Variants in ZNF800 observed in about 807,000 individuals in gnomAD.
The protein encoded by ZNF800 is zinc finger protein 800.
Under a neutral mutation model 59.5 loss-of-function variants are expected in ZNF800, and 13 were observed. That is an observed-to-expected ratio of 0.22 (90% CI 0.14 to 0.35). The LOEUF is 0.35. Ranked by LOEUF, ZNF800 falls within the 10% of genes least tolerant of loss-of-function variation. The probability of loss-of-function intolerance (pLI) is 1.00; values close to 1 mark genes in which losing one functional copy is unlikely to be tolerated. For synonymous variants in ZNF800, 266 were observed against 265.7 expected, an observed-to-expected ratio of 1.00 and a Z score of -0.01; for missense variants, 621 against 783.7, an observed-to-expected ratio of 0.79 and a Z score of 2.48.
downstream of ZNF800, among the ~76,000 whole-genome samples, chr7:127,367,690 T>C (rs1407027650): frequency 6.6e-6 from 1 of 152,178 alleles, no homozygotes; most frequent in Admixed American, 6.6e-5. Flanking sequence ...ATGTTAAGAC[T>C]TGAAGTCTCA....
At chr7:127,387,451 T>C (rs1164620295) in intron 2 of ZNF800, among the ~76,000 whole-genome samples, 1 of 152,206 alleles carries the variant, frequency 6.6e-6, no homozygotes, top group Non-Finnish European at 1.5e-5. Flanking sequence ...GTGCTATGTA[T>C]ATAGATACAG....
At position 127,353,995 on chromosome 7, in the gene ZNF800, T is replaced by C. The variant is rs560886437; in HGVS notation, n.225-5952A>G. Among the ~76,000 whole-genome samples, 19 of 152,210 alleles carry C rather than the reference T, an allele frequency of 1.2e-4. No individual in the cohort carries two copies. The South Asian group carries it at 3.7e-3, about 30-fold the overall frequency. The stretch of plus-strand genomic sequence containing the variant: ...GTGATATGCATTTGAGGTTGGAGAT[T>C]TTAAAATTTAGAAAATGAAACAAAC... On this transcript the variant is annotated intron_variant and non_coding_transcript_variant, in intron 1 of 1. Transcript: ENST00000485577.
chr7:127,343,514 G>C (rs932444177), downstream of ZNF800, among the ~76,000 whole-genome samples: 1 of 151,852 alleles, frequency 6.6e-6, no homozygotes, highest in Admixed American at 6.6e-5. Flanking sequence ...ATAGAAAAAG[G>C]TTTTTTAAGT....
chr7:127,345,315 T>C (rs1179571805), downstream of ZNF800, among the ~76,000 whole-genome samples: 1 of 146,504 alleles, frequency 6.8e-6, no homozygotes, highest in African/African-American at 2.5e-5. Context: ...CAAAGGTAAA[T>C]AAAAAAATAA....
At chr7:127,351,348 CTGAAA>C (rs1055031724) in intron 1 of ZNF800, 40 of 152,250 alleles carry the variant, frequency 2.6e-4, no homozygotes, top group African/African-American at 9.4e-4. Context: ...CTACTGCAGC[CTGAAA>C]TGATCTCTCT....
intron 1 of ZNF800, among the ~76,000 whole-genome samples, 200 bp from the exon 2 acceptor site, chr7:127,391,815 ACGCAGCCTCGGGTG>A (rs1801329319): frequency 1.3e-5 from 2 of 152,046 alleles, no homozygotes; most frequent in African/African-American, 4.8e-5. Context: ...CTACCCGGAA[ACGCAGCCTCGGGTG>A]CGCAGCGCAG....
chr7:127,385,772 A>G (rs1347711395), intron 3 of ZNF800, among the ~76,000 whole-genome samples: 2 of 152,128 alleles, frequency 1.3e-5, no homozygotes, highest in African/African-American at 4.8e-5. Context: ...ATATCAATGG[A>G]TCTTTAAGAA....
Position 127,373,562 on chromosome 7 carries a change from T to G in ZNF800, c.1774A>C (p.Thr592Pro). Residue 592 changes from threonine (T) to proline (P), a missense_variant, in exon 5 of 6, where the codon ACT becomes CCT. Transcript: ENST00000265827. ...AKHSDSKHDG[T>P]SNSPSKKYEV... ...TACTTTTTACTAGGAGAGTTAGAAG[T>G]GCCATCATGTTTTGAATCACTATGT... The G allele has an allele frequency of 6.2e-7, 1 of 1,614,202 alleles. No homozygotes were observed. Among genetic ancestry groups the G allele is most frequent in the Non-Finnish European group, 8.5e-7 (1 of 1,180,038 alleles).
downstream of ZNF800, among the ~76,000 whole-genome samples, chr7:127,369,101 C>T (rs1800574443): frequency 6.6e-6 from 1 of 151,652 alleles, no homozygotes; most frequent in African/African-American, 2.4e-5. Flanking sequence ...TGCCCAATGT[C>T]AGCTATACTT....
intron 3 of ZNF800, among the ~76,000 whole-genome samples, chr7:127,378,426 T>A (rs1051224082): frequency 1.8e-4 from 28 of 152,088 alleles, no homozygotes; most frequent in Admixed American, 1.7e-3. Flanking sequence ...AAAACTTTTT[T>A]AAAATGACAA....
chr7:127,352,361 T>G (rs1402389160), intron 1 of ZNF800, among the ~76,000 whole-genome samples: 3 of 151,878 alleles, frequency 2.0e-5, no homozygotes, highest in South Asian at 2.1e-4. Flanking sequence ...AAAAAAAGTA[T>G]CAAAAGAGAA....
chr7:127,390,220 G>A (rs963818295), intron 2 of ZNF800, among the ~76,000 whole-genome samples: 1 of 151,888 alleles, frequency 6.6e-6, no homozygotes, highest in Non-Finnish European at 1.5e-5. Flanking sequence ...GAGTTTAAAT[G>A]GCACTCACAT....
intron 4 of ZNF800, among the ~76,000 whole-genome samples, chr7:127,376,297 T>C (rs1238138266): frequency 6.6e-6 from 1 of 151,892 alleles, no homozygotes; most frequent in South Asian, 2.1e-4. Flanking sequence ...AGTTGAAAAA[T>C]GCACAGAATC....
intron 1 of ZNF800, among the ~76,000 whole-genome samples, chr7:127,355,250 A>C (rs10235028): frequency 1.3e-5 from 2 of 151,702 alleles, no homozygotes; most frequent in Non-Finnish European, 2.9e-5. Flanking sequence ...AGCTTAGACC[A>C]GGAAAAATAG....
At chr7:127,366,634 TC>T (rs1345799871), downstream of ZNF800, among the ~76,000 whole-genome samples, 6 of 152,298 alleles carry the variant, frequency 3.9e-5, no homozygotes, top group East Asian at 9.7e-4. Context: ...TTTCATTCTG[TC>T]ACCTTTCAAA....
At chr7:127,361,631 A>G (rs545151984) in intron 1 of ZNF800, 1 of 152,264 alleles carries the variant, frequency 6.6e-6, no homozygotes, top group South Asian at 2.1e-4. Flanking sequence ...AAAATTCTTA[A>G]GAGTAATCAA....
chr7:127,374,573 T>C lies in ZNF800; in HGVS notation c.763A>G (p.Lys255Glu). ...VRRHIRKVHK[K>E]KMEELKKYIE... ...TACTTTTTTAGTTCTTCCATCTTTT[T>C]CTTGTGTACTTTTCGAATGTGACGG... Residue 255 changes from lysine to glutamate, a missense_variant, in exon 5 of 6, where the codon AAA (lysine) becomes GAA (glutamate). Physicochemically the swap from Lys to Glu is moderately conservative, Grantham distance 56. Transcript: ENST00000265827. 6.2e-7 allele frequency: 1 copy of C among 1,614,128 alleles called. No homozygotes were observed. The highest frequency in any genetic ancestry group is 1.1e-5 in the South Asian group (1 of 91,086).
In ZNF800 at chr7:127,374,617, T is replaced by C; in HGVS notation, c.719A>G (p.Asn240Ser). The C allele has an allele frequency of 3.1e-6, 5 of 1,614,104 alleles. No individual in the cohort carries two copies. The highest frequency in any genetic ancestry group is 4.2e-6 in the Non-Finnish European group (5 of 1,179,962). The change falls in exon 5 of 6, where the codon AAT (asparagine) becomes AGT (serine). Residue 240 changes from asparagine to serine, a missense_variant. Around this residue, in one of 7 missense-constraint regions of ZNF800, gnomAD observed 218 missense variants for 230.8 expected, o/e 0.94. Transcript: ENST00000265827. ...LICCLCRKEFNSRRGVRRHIR... is the reference protein window; with the variant it reads ...LICCLCRKEFSSRRGVRRHIR... Reference sequence around the variant, plus strand: ...GTGACGGCGAACACCTCGTCTAGAATTGAATTCTTTTCTACAAAGACAACA... The same window carrying C: ...GTGACGGCGAACACCTCGTCTAGAACTGAATTCTTTTCTACAAAGACAACA...
intron 2 of ZNF800, among the ~76,000 whole-genome samples, chr7:127,387,337 G>A (rs1801166760): frequency 6.6e-6 from 1 of 152,180 alleles, no homozygotes; most frequent in Non-Finnish European, 1.5e-5. Flanking sequence ...CACTTAGTGT[G>A]AGGAGAAATG....
Sources: allele counts gnomAD v4.1 joint callset (sites outside exome capture counted in the v4.1 genomes callset), GRCh38; gene constraint gnomAD v4.1.1; regional missense constraint gnomAD v4.1.1; transcripts MANE v1.5; gene names NCBI Gene and HGNC (gene_info 2026-07-23, HGNC 2026-07-21).